The following MTM1 variants were observed in gnomAD, a reference collection of about 807,000 sequenced individuals.
MTM1 encodes the protein myotubularin.
MTM1 carries 9 observed loss-of-function variants against 52.1 expected under a neutral mutation model. The ratio of observed to expected loss-of-function variants is 0.17; its 90% CI spans 0.10 to 0.30. MTM1 has a LOEUF of 0.30. MTM1 is among the 10% of genes least tolerant of loss of function. The pLI is 1.00. For missense variants in MTM1, 277 were observed against 470.7 expected (o/e 0.59, Z 3.81); for synonymous variants, 136 against 163.8 (o/e 0.83, Z 1.29).
intron 4 of MTM1, among the ~76,000 whole-genome samples, chrX:150,604,800 A>C (rs2039126783): frequency 9.0e-6 from 1 of 110,791 alleles, no homozygotes; most frequent in Non-Finnish European, 1.9e-5. Flanking sequence ...CCTTACTCAG[A>C]AACTCTCCTT....
At chrX:150,615,551 C>T (rs1172014163) in intron 5 of MTM1, among the ~76,000 whole-genome samples, 1 of 110,546 alleles carries the variant, frequency 9.0e-6, no homozygotes, top group African/African-American at 3.3e-5. Context: ...CTGGCCAATC[C>T]AAGTCGTTCA....
rs1213866163 is a variant in MTM1 at position 150,668,546 on chromosome X, AAT to A, written c.1645-2881_1645-2880del. On this transcript the variant is annotated intron_variant, in intron 14 of 14. Coordinates refer to ENST00000370396, the MANE Select transcript of MTM1 (RefSeq NM_000252.3). ...CCATCTCTACAAAAAAAAAAAAAAA[AAT>A]GTTTTAAGTAGCCAGGCATGGCAGT... is the stretch of plus-strand genomic sequence containing the variant. Among the ~76,000 whole-genome samples, 4 of 109,639 alleles carry A rather than the reference AAT, an allele frequency of 3.6e-5. No individual in the cohort carries two copies. The East Asian group carries it at 8.6e-4, about 23-fold the overall frequency.
At chrX:150,596,148 A>G (rs1422772587) in intron 2 of MTM1, among the ~76,000 whole-genome samples, 1 of 112,379 alleles carries the variant, frequency 8.9e-6, no homozygotes, top group East Asian at 2.8e-4. Context: ...TGAATATGAA[A>G]AAAAGAAAGC....
chrX:150,669,854 T>C (rs1206843615), intron 14 of MTM1, among the ~76,000 whole-genome samples: 1 of 112,621 alleles, frequency 8.9e-6, no homozygotes, highest in African/African-American at 3.2e-5. Context: ...TTTCTTTTGC[T>C]GTGCAGAAGC....
Position 150,584,836 on chromosome X carries a change from CT to C in MTM1, c.-10-7767del, listed in dbSNP as rs782559972. On this transcript the variant is annotated intron_variant, in intron 1 of 14. Transcript: ENST00000370396. The stretch of plus-strand genomic sequence containing the variant: ...TGTACTTTCAGTCCTCTATAGATTA[CT>C]TATAATACCTAATACAATGGAAATG... Among the ~76,000 whole-genome samples the C allele has an allele frequency of 6.2e-3, 691 of 111,500 alleles. 6 individuals are homozygous for C. The highest frequency in any genetic ancestry group is 0.021 in the African/African-American group (654 of 30,682).
chrX:150,649,692 T>C, intron 9 of MTM1, 24 bp from the exon 10 acceptor site: 1 of 1,175,477 alleles, frequency 8.5e-7, no homozygotes, highest in Non-Finnish European at 1.2e-6. Context: ...CAACTGATTG[T>C]TTGTATTTCA....
At chrX:150,659,978 A>T (rs2040191895) in intron 12 of MTM1, among the ~76,000 whole-genome samples, 2 of 111,763 alleles carry the variant, frequency 1.8e-5, no homozygotes, top group African/African-American at 6.5e-5. Flanking sequence ...AGTTTTAAAA[A>T]TTAAGTATTT....
At chrX:150,568,511 T>TCACGTGATGCAGTCCCGC (rs2038296192), upstream of MTM1, 1 of 113,625 alleles carries the variant, frequency 8.8e-6, no homozygotes, top group African/African-American at 3.2e-5. Context: ...CCCTGCCCCG[T>TCACGTGATGCAGTCCCGC]CACGTGATGC....
upstream of MTM1, among the ~76,000 whole-genome samples, chrX:150,563,546 C>G (rs1321525891): frequency 1.9e-5 from 2 of 102,914 alleles, no homozygotes; most frequent in South Asian, 9.9e-4. Flanking sequence ...AACTCCTGAC[C>G]TCGTGATCTG....
intron 2 of MTM1, among the ~76,000 whole-genome samples, chrX:150,593,149 A>G (rs2038916327): frequency 8.9e-6 from 1 of 112,375 alleles, no homozygotes; most frequent in African/African-American, 3.2e-5. Flanking sequence ...CGGCCCAGAA[A>G]AGCTTTTAGA....
At chrX:150,619,168 G>T (rs1243885915) in intron 6 of MTM1, 29 bp downstream of exon 6, 1 of 1,086,896 alleles carries the variant, frequency 9.2e-7, no homozygotes, top group Non-Finnish European at 1.3e-6. Flanking sequence ...CTCAGCGTGG[G>T]AAGGTTCTCA....
At chrX:150,667,624 T>G (rs1557415001) in intron 14 of MTM1, among the ~76,000 whole-genome samples, 1 of 112,096 alleles carries the variant, frequency 8.9e-6, no homozygotes, top group African/African-American at 3.2e-5. Flanking sequence ...CAGCACTTAC[T>G]GGGTGTTAGG....
At chrX:150,624,201 C>A (rs781877506) in intron 6 of MTM1, among the ~76,000 whole-genome samples, 1 of 111,690 alleles carries the variant, frequency 9.0e-6, no homozygotes, top group African/African-American at 3.3e-5. Context: ...TGGTAAGATG[C>A]GCACTTTTTT....
intron 2 of MTM1, among the ~76,000 whole-genome samples, chrX:150,594,698 A>G (rs143475689): frequency 0.051 from 5,722 of 111,850 alleles, 387 homozygotes; most frequent in African/African-American, 0.18. Context: ...CCTTTGTGTA[A>G]TGCTGCTCTG....
intron 6 of MTM1, among the ~76,000 whole-genome samples, chrX:150,630,834 A>G (rs1360370951): frequency 1.8e-5 from 2 of 111,971 alleles, no homozygotes; most frequent in African/African-American, 6.5e-5. Context: ...ACTCACAGGT[A>G]TGGCTTATTA....
At chrX:150,584,284 A>C (rs1331143765) in intron 1 of MTM1, among the ~76,000 whole-genome samples, 1 of 109,302 alleles carries the variant, frequency 9.1e-6, no homozygotes, top group Non-Finnish European at 1.9e-5. Flanking sequence ...TATATGCATC[A>C]ACATTTATGA....
intron 5 of MTM1, among the ~76,000 whole-genome samples, chrX:150,616,855 C>T: frequency 8.9e-6 from 1 of 111,843 alleles, no homozygotes; most frequent in Non-Finnish European, 1.9e-5. Context: ...GTCGTTGCAG[C>T]AGGGATATGT....
chrX:150,660,255 G>C, intron 12 of MTM1, 116 bp from the exon 13 acceptor site: 1 of 509,905 alleles, frequency 2.0e-6, no homozygotes, highest in East Asian at 3.6e-5. Context: ...AGCCTCTGCT[G>C]TCCTTCCTAG....
chrX:150,663,228 A>C (rs1329564685), intron 13 of MTM1, among the ~76,000 whole-genome samples: 1 of 112,223 alleles, frequency 8.9e-6, no homozygotes, highest in Non-Finnish European at 1.9e-5. Flanking sequence ...AGTGGCTCTC[A>C]AGCTAGGCCA....
Sources: gnomAD v4.1 joint callset for allele counts (sites outside exome capture counted in the v4.1 genomes callset) on GRCh38, gnomAD v4.1.1 for gene constraint, MANE v1.5 for transcripts, NCBI Gene and HGNC (gene_info 2026-07-23, HGNC 2026-07-21) for gene names.